Variants in CEBPZOS observed in about 807,000 individuals in gnomAD.
CEBPZOS encodes the protein protein CEBPZOS.
In CEBPZOS, 10 loss-of-function variants were observed where a neutral mutation model predicts 4.8. The observed-to-expected ratio is 2.07, with a 90% CI of 1.28 to 3.52. The LOEUF (loss-of-function observed/expected upper bound fraction) is 3.52, where lower values mean the gene tolerates loss of function less well. Ranked by LOEUF, CEBPZOS falls within the 30% of genes most tolerant of loss-of-function variation. The pLI, the probability that CEBPZOS is intolerant of heterozygous loss-of-function variation, is 0.00. For missense variants in CEBPZOS, 98 were observed against 43.6 expected (o/e 2.25, Z -3.51); for synonymous variants, 25 against 14.2 (o/e 1.77, Z -1.72).
intron 4 of CEBPZOS, chr2:37,212,194 A>C: frequency 1.0e-6 from 1 of 979,142 alleles, no homozygotes; most frequent in Non-Finnish European, 1.5e-6. Context: ...TAAATGTCAA[A>C]GATGAAAGTA....
Position 37,211,254 on chromosome 2 carries a change from C to G in CEBPZOS, c.*3-2183C>G, listed in dbSNP as rs1677711947. On this transcript the variant is annotated intron_variant, in intron 4 of 4. Coordinates refer to the CEBPZOS transcript ENST00000397064. ...TTGAGGACAGACTGAGAAAAAGACT[C>G]TAAGAATTGGCACAGTTCTAATATT... 6 of 439,772 alleles carry G rather than the reference C, an allele frequency of 1.4e-5. No individual in the cohort carries two copies. In the South Asian group the frequency reaches 2.9e-4, roughly 21 times the overall value. 27.2% of individuals were successfully genotyped at this position (439,772 alleles called of 1,614,324 possible).
chr2:37,211,899 T>A (rs112454592), intron 4 of CEBPZOS: 2 of 1,612,164 alleles, frequency 1.2e-6, no homozygotes, highest in Admixed American at 1.7e-5. Context: ...TCCATCTTCA[T>A]CAACTTCAGC....
At chr2:37,215,981 T>A (rs1677857632), downstream of CEBPZOS, 2 of 479,200 alleles carry the variant, frequency 4.2e-6, no homozygotes, top group Non-Finnish European at 7.2e-6. Context: ...CCCAGTCAGA[T>A]ACAGTAGATT....
chr2:37,201,668 G>A lies in CEBPZOS; in HGVS notation c.187G>A (p.Gly63Arg), dbSNP rs528297706. 1 of 792,046 alleles carries A rather than the reference G, an allele frequency of 1.3e-6. No individual in the cohort carries two copies. The highest frequency in any genetic ancestry group is 2.0e-5 in the Admixed American group (1 of 49,634). 49.1% of individuals were successfully genotyped at this position (792,046 alleles called of 1,614,324 possible). ...TTATTACAAATCCACTGAGAAGTCT[G>A]GAATGTATGGAATCAGAGAGCTAGA... is the stretch of plus-strand genomic sequence containing the variant. Reference protein sequence around the residue: ...EVYYKSTEKSGMYGIRELDQK... With the variant: ...EVYYKSTEKSRMYGIRELDQK... Residue 63 changes from glycine to arginine, a missense_variant, in exon 4 of 5, where the codon GGA (glycine) becomes AGA (arginine). Gly to Arg is a moderately radical substitution (Grantham distance 125). Coordinates refer to ENST00000402297, the MANE Select transcript of CEBPZOS (RefSeq NM_001322374.2).
chr2:37,216,011 G>T, downstream of CEBPZOS: 1 of 661,970 alleles, frequency 1.5e-6, no homozygotes, highest in Admixed American at 3.7e-5. Flanking sequence ...CTATTCTTGG[G>T]AAAAAAGATG....
downstream of CEBPZOS, chr2:37,214,777 CAGT>C (rs1677828178): frequency 3.0e-6 from 2 of 668,990 alleles, no homozygotes; most frequent in East Asian, 2.8e-5. Flanking sequence ...TATTTACACA[CAGT>C]AGTAGATTAT....
In CEBPZOS at chr2:37,201,749, A is replaced by T. The variant is rs1187633642; in HGVS notation, c.*2+23A>T. On this transcript the variant is annotated intron_variant, in intron 4 of 4. Transcript: ENST00000402297. ...GATGTAAGTAGAATTTTAATCTATA[A>T]TTTACATTAATAACTCATTTCCTTT... is the stretch of plus-strand genomic sequence containing the variant. 8 of 1,306,286 alleles carry T rather than the reference A, an allele frequency of 6.1e-6. No homozygotes were observed. The South Asian group carries it at 9.8e-5, about 16-fold the overall frequency. 80.9% of individuals were successfully genotyped at this position (1,306,286 alleles called of 1,614,324 possible).
At chr2:37,211,760 TA>T in intron 4 of CEBPZOS, 1 of 1,038,278 alleles carries the variant, frequency 9.6e-7, no homozygotes, top group Non-Finnish European at 1.4e-6. Flanking sequence ...AGGGCTATAT[TA>T]AAAACCTTTA....
chr2:37,197,159 G>C (rs1037962202), intron 1 of CEBPZOS: 1 of 152,656 alleles, frequency 6.6e-6, no homozygotes, highest in African/African-American at 2.4e-5. Flanking sequence ...AAACTTCCCG[G>C]AATGATGCCT....
downstream of CEBPZOS, chr2:37,215,183 A>T: frequency 2.7e-6 from 1 of 366,560 alleles, no homozygotes; most frequent in Non-Finnish European, 4.9e-6. Context: ...GGCAGTACAT[A>T]GCTGTCAGTG....
In CEBPZOS at chr2:37,203,010, TA is replaced by T. The variant is rs375852685; in HGVS notation, c.*1158del. 166 of 1,526,688 alleles carry T rather than the reference TA, an allele frequency of 1.1e-4. No individual in the cohort carries two copies. Among genetic ancestry groups the T allele is most frequent in the South Asian group, 4.6e-4 (35 of 76,648 alleles). 94.6% of individuals were successfully genotyped at this position (1,526,688 alleles called of 1,614,324 possible). ...AGTTTCTTTTCTTTTTTCTTGGCCC[TA>T]AAAAAAATTGTAAGTCTACATTATT... On this transcript the variant is annotated 3_prime_UTR_variant, in exon 5 of 5. Transcript: ENST00000402297.
downstream of CEBPZOS, chr2:37,214,830 TC>T: frequency 9.2e-7 from 1 of 1,082,976 alleles, no homozygotes; most frequent in Non-Finnish European, 1.4e-6. Context: ...TTTTATGAAA[TC>T]TAAAAATTTA....
chr2:37,199,686 A>G lies in CEBPZOS; in HGVS notation c.-1-18A>G. The G allele has an allele frequency of 1.4e-6, 1 of 715,412 alleles. No individual in the cohort carries two copies. Among genetic ancestry groups the G allele is most frequent in the South Asian group, 1.5e-5 (1 of 67,404 alleles). 44.3% of individuals were successfully genotyped at this position (715,412 alleles called of 1,614,324 possible). A position where few individuals can be genotyped will look rare whatever the true frequency, so the allele number is the denominator to read the frequency against. ...AGTATGTTCATTCAGGTTTACACAT[A>G]TCTGTTGTTAAATTTAGGATGGCCC... On this transcript the variant is annotated intron_variant, in intron 1 of 4. Coordinates refer to ENST00000402297, the MANE Select transcript of CEBPZOS (RefSeq NM_001322374.2).
chr2:37,197,093 T>C (rs990553946), intron 1 of CEBPZOS, among the ~76,000 whole-genome samples: 1 of 152,200 alleles, frequency 6.6e-6, no homozygotes, highest in Non-Finnish European at 1.5e-5. Context: ...GTTAACTGCA[T>C]GACACACAGC....
At chr2:37,207,804 A>G (rs1323524170), downstream of CEBPZOS, among the ~76,000 whole-genome samples, 7 of 152,230 alleles carry the variant, frequency 4.6e-5, no homozygotes, top group African/African-American at 1.2e-4. Context: ...AACAAATATC[A>G]GAGCAGAACT....
chr2:37,213,840 CAA>C (rs770405565), downstream of CEBPZOS: 6 of 1,501,750 alleles, frequency 4.0e-6, no homozygotes, highest in African/African-American at 8.3e-5. Context: ...GATTATTTTA[CAA>C]AGAGTCAACA....
At chr2:37,215,037 T>G (rs1222563675), downstream of CEBPZOS, 4 of 848,808 alleles carry the variant, frequency 4.7e-6, no homozygotes, top group Middle Eastern at 2.4e-4. Context: ...TACAGCATAA[T>G]CTGTAATTCT....
chr2:37,199,024 C>T (rs1677083088), intron 1 of CEBPZOS, among the ~76,000 whole-genome samples: 2 of 152,182 alleles, frequency 1.3e-5, no homozygotes, highest in African/African-American at 2.4e-5. Flanking sequence ...AATAGCCAGG[C>T]ATGCCAGTGG....
intron 4 of CEBPZOS, chr2:37,211,525 C>A (rs1468672387): frequency 3.6e-6 from 1 of 277,380 alleles, no homozygotes; most frequent in Non-Finnish European, 6.7e-6. Flanking sequence ...ATGATGAATA[C>A]TGATTAACTT....
Sources: gnomAD v4.1 joint callset for allele counts (sites outside exome capture counted in the v4.1 genomes callset) on GRCh38, gnomAD v4.1.1 for gene constraint, MANE v1.5 for transcripts, NCBI Gene and HGNC (gene_info 2026-07-23, HGNC 2026-07-21) for gene names.